Variants in WWOX observed in about 807,000 individuals in gnomAD.
WWOX encodes WW domain containing oxidoreductase, also known as WW domain-containing oxidoreductase.
Under a neutral mutation model 46.2 loss-of-function variants are expected in WWOX, and 69 were observed. The observed-to-expected ratio is 1.49, with a 90% confidence interval of 1.23 to 1.82. The LOEUF is 1.82. WWOX is among the 40% of genes most tolerant of loss of function. The pLI, the probability that WWOX is intolerant of heterozygous loss-of-function variation, is 0.00. For missense variants in WWOX, 919 were observed against 542.6 expected, an observed-to-expected ratio of 1.69 and a Z score of -6.89; for synonymous variants, 359 against 202.6, an observed-to-expected ratio of 1.77 and a Z score of -6.56.
At chr16:78,763,398 G>A (rs999608504) in intron 8 of WWOX, among the ~76,000 whole-genome samples, 1 of 152,190 alleles carries the variant, frequency 6.6e-6, no homozygotes, top group Non-Finnish European at 1.5e-5. Flanking sequence ...TTGAATACCT[G>A]CTATCTACCA....
At chr16:78,972,942 C>T (rs528395134) in intron 8 of WWOX, among the ~76,000 whole-genome samples, 2 of 152,276 alleles carry the variant, frequency 1.3e-5, no homozygotes, top group East Asian at 3.9e-4. Context: ...GAGTAATTGA[C>T]AAAAACTGCA....
chr16:79,061,181 G>A (rs1048022503), intron 8 of WWOX, among the ~76,000 whole-genome samples: 1 of 152,164 alleles, frequency 6.6e-6, no homozygotes, highest in Non-Finnish European at 1.5e-5. Flanking sequence ...CATTTTGTGT[G>A]CCAACCCGAA....
intron 8 of WWOX, among the ~76,000 whole-genome samples, chr16:79,006,580 A>C (rs1302526677): frequency 1.3e-5 from 2 of 151,994 alleles, no homozygotes; most frequent in African/African-American, 4.8e-5. Flanking sequence ...TTGCTGCTGT[A>C]ACCAATGATT....
chr16:78,417,902 G>C (rs75581592), intron 6 of WWOX, among the ~76,000 whole-genome samples: 2,249 of 152,290 alleles, frequency 0.015, 48 homozygotes, highest in East Asian at 0.062. Flanking sequence ...GTTTTAGGTA[G>C]GGGATGGGTG....
rs368430071 is a variant in WWOX at position 78,387,322 on chromosome 16, A to T, written c.605+374A>T. 6.6e-5 allele frequency among the ~76,000 whole-genome samples: 10 copies of T among 152,372 alleles called. No homozygotes were observed. In the East Asian group the frequency reaches 7.7e-4, roughly 12 times the overall value. On this transcript the variant is annotated intron_variant, in intron 6 of 8. Coordinates refer to ENST00000566780, the MANE Select transcript of WWOX (RefSeq NM_016373.4). Reference sequence around the variant, plus strand: ...CATTCAGGAACAAGTAAACTCAGTTATCCAGTATGGCAGGGAGGTTGACAA... The same window carrying T: ...CATTCAGGAACAAGTAAACTCAGTTTTCCAGTATGGCAGGGAGGTTGACAA...
intron 6 of WWOX, among the ~76,000 whole-genome samples, chr16:78,415,202 C>T (rs923950036): frequency 1.3e-5 from 2 of 151,712 alleles, no homozygotes; most frequent in Admixed American, 6.6e-5. Context: ...GAGGGTTCTT[C>T]CCCTTTTTAG....
chr16:78,598,379 G>T (rs566601542), intron 8 of WWOX, among the ~76,000 whole-genome samples: 2 of 152,326 alleles, frequency 1.3e-5, no homozygotes, highest in South Asian at 4.1e-4. Flanking sequence ...TGTAGACTGG[G>T]TTAAAATCGA....
intron 8 of WWOX, among the ~76,000 whole-genome samples, chr16:78,665,784 G>A (rs144359685): frequency 2.0e-5 from 3 of 152,132 alleles, no homozygotes; most frequent in Middle Eastern, 3.4e-3. Flanking sequence ...TCCTGGGTTC[G>A]AGTGATTCTC....
chr16:78,328,925 G>T (rs774553350), intron 5 of WWOX, among the ~76,000 whole-genome samples: 1 of 151,596 alleles, frequency 6.6e-6, no homozygotes, highest in African/African-American at 2.4e-5. Flanking sequence ...GCAGTGGTGC[G>T]ATCTCAGCTC....
rs114477706 is a variant in WWOX at position 78,620,650 on chromosome 16, G to C, written c.1056+187898G>C. ...TTTGTCAGTGTACTTCCTGCTTCTT[G>C]ATGCACTTGTACTGCACAAGAATTG... is the stretch of plus-strand genomic sequence containing the variant. On this transcript the variant is annotated intron_variant, in intron 8 of 8. Coordinates refer to ENST00000566780, the MANE Select transcript of WWOX (RefSeq NM_016373.4). 6.6e-3 allele frequency among the ~76,000 whole-genome samples: 1,003 copies of C among 152,180 alleles called. 16 individuals are homozygous for C. Among genetic ancestry groups the C allele is most frequent in the African/African-American group, 0.023 (963 of 41,546 alleles).
intron 8 of WWOX, among the ~76,000 whole-genome samples, chr16:78,960,643 C>G (rs1008878472): frequency 1.3e-5 from 2 of 152,200 alleles, no homozygotes; most frequent in Non-Finnish European, 2.9e-5. Flanking sequence ...AAGGTTCTCA[C>G]AGTCTGGAGG....
At chr16:78,919,162 G>A (rs1430684210) in intron 8 of WWOX, among the ~76,000 whole-genome samples, 1 of 152,056 alleles carries the variant, frequency 6.6e-6, no homozygotes, top group African/African-American at 2.4e-5. Context: ...AACATACTTT[G>A]AGTAACTATT....
chr16:78,961,698 A>G (rs760405001), intron 8 of WWOX, among the ~76,000 whole-genome samples: 2 of 152,168 alleles, frequency 1.3e-5, no homozygotes, highest in Admixed American at 1.3e-4. Context: ...TAAAATAAGC[A>G]TATTCTGGGT....
chr16:78,568,107 G>T (rs911440987), intron 8 of WWOX, among the ~76,000 whole-genome samples: 2 of 152,150 alleles, frequency 1.3e-5, no homozygotes, highest in Admixed American at 1.3e-4. Context: ...AAAAATCCGT[G>T]CGGAATTTGA....
At chr16:78,365,941 G>T (rs535398206) in intron 5 of WWOX, among the ~76,000 whole-genome samples, 1 of 152,274 alleles carries the variant, frequency 6.6e-6, no homozygotes, top group East Asian at 1.9e-4. Flanking sequence ...ATATGAACTG[G>T]ACAGAAGTAT....
chr16:78,537,770 T>G (rs1417910442), intron 8 of WWOX, among the ~76,000 whole-genome samples: 1 of 152,044 alleles, frequency 6.6e-6, no homozygotes, highest in African/African-American at 2.4e-5. Context: ...GGCAGCTGGT[T>G]TTGTCTGGAT....
rs569915023 is a variant in WWOX, at chr16:78,112,716, T to A, written c.231-2260T>A. Among the ~76,000 whole-genome samples the A allele has an allele frequency of 2.9e-3, 440 of 151,290 alleles. 2 individuals carry two copies. Among genetic ancestry groups the A allele is most frequent in the African/African-American group, 1.0e-2 (411 of 41,282 alleles). ...CAAGTTTTCTTTCTTTTTTTTTTTT[T>A]ATACTGGGTCTTGCTCTTCTTATCC... On this transcript the variant is annotated intron_variant, in intron 3 of 8. Coordinates refer to ENST00000566780, the MANE Select transcript of WWOX (RefSeq NM_016373.4).
chr16:78,456,868 C>G (rs1414996086), intron 8 of WWOX, among the ~76,000 whole-genome samples: 1 of 152,220 alleles, frequency 6.6e-6, no homozygotes, highest in Non-Finnish European at 1.5e-5. Context: ...ATTTGCAATG[C>G]ATCAGATGAT....
intron 8 of WWOX, among the ~76,000 whole-genome samples, chr16:79,090,258 T>A (rs929874010): frequency 1.3e-5 from 2 of 150,292 alleles, no homozygotes; most frequent in African/African-American, 4.9e-5. Flanking sequence ...TGGGGTGCCA[T>A]CCTGACAGAT....
Sources: gnomAD v4.1 joint callset for allele counts (sites outside exome capture counted in the v4.1 genomes callset) on GRCh38, gnomAD v4.1.1 for gene constraint, MANE v1.5 for transcripts, NCBI Gene and HGNC (gene_info 2026-07-23, HGNC 2026-07-21) for gene names.